The following CAST variants were observed in gnomAD, a reference collection of about 807,000 sequenced individuals.
CAST encodes calpastatin.
A neutral mutation model predicts 119.6 loss-of-function variants in CAST; 76 were observed. The observed-to-expected ratio is 0.64, with a 90% CI of 0.53 to 0.77. The LOEUF is 0.77. Ranked by LOEUF, CAST falls within the 30% of genes least tolerant of loss-of-function variation. The pLI is 0.00. For synonymous variants in CAST, 319 were observed against 331.6 expected (o/e 0.96, Z 0.41); for missense variants, 953 against 946.5 (o/e 1.01, Z -0.09).
At chr5:96,402,167 T>C in the CAST span, among the ~76,000 whole-genome samples, 58 of 152,160 alleles carry the variant, frequency 3.8e-4, 1 homozygote, top group Non-Finnish European at 4.0e-4. Context: ...AAAGAGGCAG[T>C]GGACATTCCT....
chr5:96,747,518 G>T, intron 18 of CAST, 126 bp downstream of exon 18: 1 of 569,448 alleles, frequency 1.8e-6, no homozygotes, highest in Non-Finnish European at 3.1e-6. Context: ...AGAGGAAAGG[G>T]GAACTTCTGA....
the CAST span, among the ~76,000 whole-genome samples, chr5:96,245,915 T>C: frequency 1.3e-5 from 2 of 152,254 alleles, no homozygotes; most frequent in African/African-American, 4.8e-5. Flanking sequence ...GAACTCTGTG[T>C]GTTCACAGCG....
chr5:96,677,380 G>A (rs1212481277), intron 2 of CAST, among the ~76,000 whole-genome samples: 4 of 152,208 alleles, frequency 2.6e-5, no homozygotes, highest in Admixed American at 6.5e-5. Context: ...TGTACAGGAT[G>A]TACAGGCATT....
chr5:96,506,211 A>G, the CAST span, among the ~76,000 whole-genome samples: 1 of 152,218 alleles, frequency 6.6e-6, no homozygotes, highest in East Asian at 1.9e-4. Flanking sequence ...CATAGTAGGT[A>G]TTTCAAAAAT....
At chr5:96,572,447 C>T (rs1746588490) in intron 1 of CAST, among the ~76,000 whole-genome samples, 2 of 152,292 alleles carry the variant, frequency 1.3e-5, no homozygotes, top group East Asian at 3.9e-4. Flanking sequence ...GTGATCTGCC[C>T]ACCTCGGCCT....
At chr5:96,606,710 GT>G (rs2150195262) in intron 1 of CAST, among the ~76,000 whole-genome samples, 1 of 152,290 alleles carries the variant, frequency 6.6e-6, no homozygotes, top group South Asian at 2.1e-4. Context: ...TTGTTTGTTT[GT>G]TTTTGTTTTT....
intron 1 of CAST, among the ~76,000 whole-genome samples, chr5:96,639,686 C>T (rs1416081094): frequency 6.6e-6 from 1 of 152,186 alleles, no homozygotes; most frequent in Non-Finnish European, 1.5e-5. Flanking sequence ...TAAAAAGTCA[C>T]CCAAAGAATG....
chr5:96,083,381 AT>A, the CAST span, among the ~76,000 whole-genome samples: 1 of 152,218 alleles, frequency 6.6e-6, no homozygotes, highest in Non-Finnish European at 1.5e-5. Flanking sequence ...TGTATCATCC[AT>A]ACCCATAGTC....
chr5:96,747,289 G>A (rs906751258), intron 17 of CAST, 56 bp from the exon 18 acceptor site: 1 of 1,032,098 alleles, frequency 9.7e-7, no homozygotes, highest in African/African-American at 1.6e-5. Flanking sequence ...AACTTGATGG[G>A]ACATGAAAGC....
At chr5:95,999,918 A>G in the CAST span, among the ~76,000 whole-genome samples, 1 of 152,136 alleles carries the variant, frequency 6.6e-6, no homozygotes, top group Non-Finnish European at 1.5e-5. Flanking sequence ...AACATTTGCT[A>G]TTGTCGCCTT....
Position 96,577,150 on chromosome 5 carries a change from T to C in CAST, c.60+47270T>C, listed in dbSNP as rs539686519. Among the ~76,000 whole-genome samples the C allele has an allele frequency of 7.2e-5, 11 of 152,278 alleles. No individual in the cohort carries two copies. The South Asian group carries it at 2.3e-3, about 32-fold the overall frequency. Reference sequence around the variant, plus strand: ...TTCCAGCTTCATCCATGTCCCAGTTTGTGGTTTTTCAGGAAATTGATTGAT... The same window carrying C: ...TTCCAGCTTCATCCATGTCCCAGTTCGTGGTTTTTCAGGAAATTGATTGAT... On this transcript the variant is annotated intron_variant, in intron 1 of 11. Transcript: ENST00000505143.
At chr5:96,385,085 C>T in the CAST span, among the ~76,000 whole-genome samples, 4 of 152,178 alleles carry the variant, frequency 2.6e-5, no homozygotes, top group African/African-American at 4.8e-5. Context: ...TACTAGAATA[C>T]TCCTAGAGTC....
the CAST span, among the ~76,000 whole-genome samples, chr5:96,236,026 A>G: frequency 9.8e-5 from 15 of 152,316 alleles, no homozygotes; most frequent in Middle Eastern, 6.8e-3. Context: ...TTTCGATAGC[A>G]TTGAAAATGT....
Position 96,749,932 on chromosome 5 carries a change from T to G in CAST, c.1429-655T>G, listed in dbSNP as rs555377810. Among the ~76,000 whole-genome samples, 26 of 152,322 alleles carry G rather than the reference T, an allele frequency of 1.7e-4. No homozygotes were observed. The East Asian group carries it at 3.7e-3, about 21-fold the overall frequency. On this transcript the variant is annotated intron_variant, in intron 19 of 31. Transcript: ENST00000675179. ...TCAGGATCATCTGGAGAGTTTTTTT[T>G]TAAACACAGGCTGCTAGACTCTACC...
chr5:96,121,074 A>G, the CAST span, among the ~76,000 whole-genome samples: 9 of 152,108 alleles, frequency 5.9e-5, no homozygotes, highest in Admixed American at 3.3e-4. Flanking sequence ...ATTTTATTTT[A>G]TAGACTTTTA....
At chr5:96,640,381 C>T (rs1747935510) in intron 1 of CAST, among the ~76,000 whole-genome samples, 1 of 152,170 alleles carries the variant, frequency 6.6e-6, no homozygotes, top group African/African-American at 2.4e-5. Flanking sequence ...ATTTGCACTG[C>T]TAGCAAGCAA....
the CAST span, among the ~76,000 whole-genome samples, chr5:96,099,179 C>T: frequency 6.6e-6 from 1 of 152,122 alleles, no homozygotes; most frequent in Non-Finnish European, 1.5e-5. Flanking sequence ...ATTTTGTATC[C>T]TGAGACTTTT....
Position 96,773,613 on chromosome 5 carries a change from A to G in CAST, c.*997A>G, listed in dbSNP as rs181166590. ...GCTTTTAAAAAAATTATATATATAT[A>G]TTAAATTTGAAACCTGCATTTCTCC... On this transcript the variant is annotated 3_prime_UTR_variant, in exon 32 of 32. Transcript: ENST00000675179. 1 of 152,146 alleles carries G rather than the reference A, an allele frequency of 6.6e-6. No individual in the cohort carries two copies. The highest frequency in any genetic ancestry group is 2.4e-5 in the African/African-American group (1 of 41,556). 9.4% of individuals were successfully genotyped at this position (152,146 alleles called of 1,614,324 possible). A position where few individuals can be genotyped will look rare whatever the true frequency, so the allele number is the denominator to read the frequency against.
intron 1 of CAST, among the ~76,000 whole-genome samples, chr5:96,538,081 A>G (rs1745850149): frequency 6.6e-6 from 1 of 152,170 alleles, no homozygotes; most frequent in Non-Finnish European, 1.5e-5. Context: ...CATGCAATCT[A>G]CACACAAGGC....
Sources: gnomAD v4.1 joint callset for allele counts (sites outside exome capture counted in the v4.1 genomes callset) on GRCh38, gnomAD v4.1.1 for gene constraint, MANE v1.5 for transcripts, NCBI Gene and HGNC (gene_info 2026-07-23, HGNC 2026-07-21) for gene names.